Variants in VPS13B observed in about 807,000 individuals in gnomAD.
The protein encoded by VPS13B is vacuolar protein sorting 13 homolog B.
VPS13B carries 285 observed loss-of-function variants against 426.4 expected under a neutral mutation model. The ratio of observed to expected loss-of-function variants is 0.67; its 90% confidence interval spans 0.61 to 0.74. The LOEUF (loss-of-function observed/expected upper bound fraction) is 0.74, where lower values mean the gene tolerates loss of function less well. VPS13B is among the 30% of genes least tolerant of loss of function. The pLI, the probability that VPS13B is intolerant of heterozygous loss-of-function variation, is 0.00. For missense variants in VPS13B, 4,537 were observed against 4,782.6 expected, an observed-to-expected ratio of 0.95 and a Z score of 1.51; for synonymous variants, 1,676 against 1,676.4, an observed-to-expected ratio of 1.00 and a Z score of 0.01.
intron 43 of VPS13B, among the ~76,000 whole-genome samples, chr8:99,802,994 A>T (rs1813203680): frequency 6.6e-6 from 1 of 152,194 alleles, no homozygotes; most frequent in African/African-American, 2.4e-5. Flanking sequence ...TTGACACATA[A>T]TGTCTAATAA....
chr8:99,695,844 G>C (rs1831961220), intron 35 of VPS13B: 1 of 152,164 alleles, frequency 6.6e-6, no homozygotes. Flanking sequence ...GTCTGAGGAA[G>C]GTGAGAAGGG....
intron 3 of VPS13B, among the ~76,000 whole-genome samples, chr8:99,078,397 A>G (rs181317424): frequency 1.3e-5 from 2 of 151,414 alleles, no homozygotes; most frequent in Admixed American, 6.6e-5. Flanking sequence ...GTGAAGTAGT[A>G]TAGTCTGCAT....
chr8:99,363,724 G>T (rs1363834976), intron 19 of VPS13B, among the ~76,000 whole-genome samples: 1 of 152,050 alleles, frequency 6.6e-6, no homozygotes, highest in African/African-American at 2.4e-5. Context: ...TTTATTTGTA[G>T]CTATTGTAAA....
At chr8:99,740,518 T>C (rs993544009) in intron 39 of VPS13B, among the ~76,000 whole-genome samples, 2 of 152,096 alleles carry the variant, frequency 1.3e-5, no homozygotes, top group Non-Finnish European at 2.9e-5. Flanking sequence ...AGACACATAA[T>C]TGTCAGATTC....
chr8:99,287,335 T>C (rs1239785400), intron 19 of VPS13B, among the ~76,000 whole-genome samples: 2 of 152,022 alleles, frequency 1.3e-5, no homozygotes, highest in Non-Finnish European at 2.9e-5. Flanking sequence ...TTATCTATGA[T>C]GAGTTATGAT....
At chr8:99,869,760 A>G (rs770449155) in intron 59 of VPS13B, among the ~76,000 whole-genome samples, 4 of 152,230 alleles carry the variant, frequency 2.6e-5, no homozygotes, top group Admixed American at 2.0e-4. Context: ...AGAGCTTCAC[A>G]TGGCCGTTTT....
intron 19 of VPS13B, among the ~76,000 whole-genome samples, chr8:99,368,047 A>G (rs1463112149): frequency 6.6e-6 from 1 of 152,258 alleles, no homozygotes; most frequent in Non-Finnish European, 1.5e-5. Flanking sequence ...TTATTGGGAA[A>G]GAAAGAGAAC....
At chr8:99,684,209 T>C (rs1167272213) in intron 35 of VPS13B, among the ~76,000 whole-genome samples, 5 of 152,252 alleles carry the variant, frequency 3.3e-5, no homozygotes, top group Non-Finnish European at 7.3e-5. Flanking sequence ...TTTGATTTGC[T>C]ACATTTTTTG....
chr8:99,470,071 C>A (rs1170120137), intron 24 of VPS13B, among the ~76,000 whole-genome samples: 1 of 152,110 alleles, frequency 6.6e-6, no homozygotes, highest in Non-Finnish European at 1.5e-5. Flanking sequence ...AACTTTGAGA[C>A]AATATGTTTC....
chr8:99,591,377 A>G (rs1205261059), intron 33 of VPS13B, among the ~76,000 whole-genome samples: 1 of 151,936 alleles, frequency 6.6e-6, no homozygotes, highest in Non-Finnish European at 1.5e-5. Context: ...GTTATGTGTG[A>G]ATTTGATCCT....
At position 99,877,374 on chromosome 8, in the gene VPS13B, C is replaced by T. The variant is rs1817741784; in HGVS notation, c.*1708C>T. 1 of 152,542 alleles carries T rather than the reference C, an allele frequency of 6.6e-6. No individual in the cohort carries two copies. Among genetic ancestry groups the T allele is most frequent in the East Asian group, 1.9e-4 (1 of 5,202 alleles). 9.4% of individuals were successfully genotyped at this position (152,542 alleles called of 1,614,324 possible). A position where few individuals can be genotyped will look rare whatever the true frequency, so the allele number is the denominator to read the frequency against. On this transcript the variant is annotated 3_prime_UTR_variant, in exon 62 of 62. Transcript: ENST00000357162. ...CCTTGTATCTTTTATGGTAATTTTG[C>T]ATATTGATATGAATTATATAAAATT...
At chr8:99,209,685 G>T (rs1307301315) in intron 17 of VPS13B, 2 of 969,380 alleles carry the variant, frequency 2.1e-6, no homozygotes, top group Non-Finnish European at 2.5e-6. Context: ...GGGATTGGAG[G>T]CCCAAGCCAC....
At chr8:99,427,393 G>A (rs1816780950) in intron 21 of VPS13B, among the ~76,000 whole-genome samples, 1 of 145,568 alleles carries the variant, frequency 6.9e-6, no homozygotes, top group Non-Finnish European at 1.5e-5. Flanking sequence ...ACTTGGCAAT[G>A]CGGGCTCTTT....
Position 99,832,554 on chromosome 8 carries a change from A to G in VPS13B, c.9516A>G (p.Ser3172=). 1 of 1,613,914 alleles carries G rather than the reference A, an allele frequency of 6.2e-7. No homozygotes were observed. The highest frequency in any genetic ancestry group is 8.5e-7 in the Non-Finnish European group (1 of 1,179,968). Residue 3172 remains serine, a synonymous_variant, in exon 52 of 62, where the codon TCA becomes TCG. Coordinates refer to ENST00000357162, the MANE Select transcript of VPS13B (RefSeq NM_152564.5). ...GFSPAPGADS[S]QCWSLPAIVR... ...CTCCTGCCCCAGGTGCTGACAGCTCACAGTGCTGGAGCCTGCCAGCTATAG... is the reference window on the plus strand; with the variant it reads ...CTCCTGCCCCAGGTGCTGACAGCTCGCAGTGCTGGAGCCTGCCAGCTATAG...
At chr8:99,866,326 T>C (rs999948372) in intron 58 of VPS13B, among the ~76,000 whole-genome samples, 9 of 152,234 alleles carry the variant, frequency 5.9e-5, no homozygotes, top group Non-Finnish European at 1.2e-4. Flanking sequence ...AAGTGGCTGC[T>C]GGTCTCTTAG....
intron 50 of VPS13B, among the ~76,000 whole-genome samples, chr8:99,822,232 G>T (rs959857415): frequency 6.6e-6 from 1 of 152,216 alleles, no homozygotes; most frequent in Non-Finnish European, 1.5e-5. Context: ...GTAGAATTCA[G>T]ATTGACCTTT....
At chr8:99,522,624 T>C (rs1457237136) in intron 30 of VPS13B, among the ~76,000 whole-genome samples, 1 of 152,146 alleles carries the variant, frequency 6.6e-6, no homozygotes, top group Non-Finnish European at 1.5e-5. Context: ...CTCTTTTGGC[T>C]CAGGACAACT....
At chr8:99,336,936 A>G (rs1810917303) in intron 19 of VPS13B, among the ~76,000 whole-genome samples, 1 of 152,040 alleles carries the variant, frequency 6.6e-6, no homozygotes. Flanking sequence ...TAGTTCAACC[A>G]TTGTGGAAGT....
chr8:99,642,575 T>A (rs959996432), intron 34 of VPS13B, 77 bp downstream of exon 34: 8 of 1,334,846 alleles, frequency 6.0e-6, no homozygotes, highest in Non-Finnish European at 8.3e-6. Flanking sequence ...CCAGATTGAT[T>A]AAACAGAAAC....
Sources: gnomAD v4.1 joint callset for allele counts (sites outside exome capture counted in the v4.1 genomes callset) on GRCh38, gnomAD v4.1.1 for gene constraint, MANE v1.5 for transcripts, NCBI Gene and HGNC (gene_info 2026-07-23, HGNC 2026-07-21) for gene names.